Variants in FAM168B observed in about 807,000 individuals in gnomAD.
FAM168B encodes the protein family with sequence similarity 168 member B, also known as myelin-associated neurite-outgrowth inhibitor.
In FAM168B, 19 loss-of-function variants were observed where a neutral mutation model predicts 21.8. The ratio of observed to expected loss-of-function variants is 0.87; its 90% CI spans 0.61 to 1.28. The LOEUF is 1.28. Among genes scored for constraint, FAM168B ranks in the 50% most tolerant of loss-of-function variants. FAM168B has a pLI of 0.00. For synonymous variants in FAM168B, 126 were observed against 104.8 expected (o/e 1.20, Z -1.24); for missense variants, 233 against 263.1 (o/e 0.89, Z 0.79).
chr2:131,056,729 CCTA>C (rs1015804607), intron 3 of FAM168B, among the ~76,000 whole-genome samples: 33 of 152,170 alleles, frequency 2.2e-4, no homozygotes, highest in African/African-American at 7.5e-4. Context: ...CCATACAAAT[CCTA>C]CTGAGCAAGC....
At chr2:131,073,540 G>A (rs1692985350) in intron 2 of FAM168B, among the ~76,000 whole-genome samples, 1 of 152,130 alleles carries the variant, frequency 6.6e-6, no homozygotes, top group Non-Finnish European at 1.5e-5. Context: ...TTATGAAAGT[G>A]GGTTCCTGAT....
chr2:131,067,798 G>A (rs1487092981), intron 3 of FAM168B, among the ~76,000 whole-genome samples: 1 of 152,066 alleles, frequency 6.6e-6, no homozygotes, highest in Admixed American at 6.6e-5. Flanking sequence ...AGCAGGAAGG[G>A]AGAAAAACTT....
intron 1 of FAM168B, among the ~76,000 whole-genome samples, chr2:131,089,914 C>A (rs372446958): frequency 8.4e-4 from 127 of 151,330 alleles, no homozygotes; most frequent in African/African-American, 2.9e-3. Context: ...CACCTGTAGT[C>A]CCAGCTACTT....
intron 2 of FAM168B, among the ~76,000 whole-genome samples, chr2:131,075,910 G>A (rs1693131956): frequency 6.6e-6 from 1 of 152,182 alleles, no homozygotes; most frequent in Non-Finnish European, 1.5e-5. Flanking sequence ...TCTCTGGTAT[G>A]GGGATCAAAG....
rs1573736615 is a variant in FAM168B, at chr2:131,050,406, A to C, written c.*2059T>G. The C allele has an allele frequency of 5.1e-6, 5 of 985,770 alleles. No individual in the cohort carries two copies. Among genetic ancestry groups the C allele is most frequent in the Non-Finnish European group, 6.0e-6 (5 of 829,932 alleles). 61.1% of individuals were successfully genotyped at this position (985,770 alleles called of 1,614,324 possible). On this transcript the variant is annotated 3_prime_UTR_variant, in exon 7 of 7. Transcript: ENST00000389915. ...ACCCCTGGAACCGTTAGAACCTACT[A>C]ATCCTGCCAACCATCCACTAAACAG... is the stretch of plus-strand genomic sequence containing the variant.
chr2:131,057,233 A>G (rs552876587), intron 3 of FAM168B, among the ~76,000 whole-genome samples: 2 of 152,346 alleles, frequency 1.3e-5, no homozygotes, highest in South Asian at 2.1e-4. Flanking sequence ...AGACTTGTAA[A>G]AAGTGTTCAA....
At chr2:131,069,329 T>G (rs911522775) in intron 3 of FAM168B, among the ~76,000 whole-genome samples, 6 of 152,230 alleles carry the variant, frequency 3.9e-5, no homozygotes, top group African/African-American at 1.4e-4. Context: ...ACATGCCACA[T>G]TGATACGTAT....
Position 131,052,247 on chromosome 2 carries a change from G to C in FAM168B, c.*218C>G, listed in dbSNP as rs1462913270. The C allele has an allele frequency of 1.0e-6, 1 of 985,740 alleles. No homozygotes were observed. Among genetic ancestry groups the C allele is most frequent in the African/African-American group, 1.7e-5 (1 of 57,240 alleles). 61.1% of individuals were successfully genotyped at this position (985,740 alleles called of 1,614,324 possible). On this transcript the variant is annotated 3_prime_UTR_variant, in exon 7 of 7. Coordinates refer to ENST00000389915, the MANE Select transcript of FAM168B (RefSeq NM_001009993.4). ...ATTACAGTTAGCTAAAAAATTGCCA[G>C]GCAGTCCACAAAACAGAATTTGCTT...
chr2:131,049,865 T>C lies in FAM168B; in HGVS notation c.*2600A>G. 2.0e-6 allele frequency: 2 copies of C among 985,802 alleles called. No individual in the cohort carries two copies. Among genetic ancestry groups the C allele is most frequent in the Non-Finnish European group, 2.4e-6 (2 of 829,948 alleles). 61.1% of individuals were successfully genotyped at this position (985,802 alleles called of 1,614,324 possible). On this transcript the variant is annotated 3_prime_UTR_variant, in exon 7 of 7. Transcript: ENST00000389915. Reference sequence around the variant, plus strand: ...TTTTGACCCAAGTTCTATTTCTTAATTGACTTTAATTTTACTAGAAGCGAA... The same window carrying C: ...TTTTGACCCAAGTTCTATTTCTTAACTGACTTTAATTTTACTAGAAGCGAA...
chr2:131,053,432 C>G (rs1200194423), intron 5 of FAM168B, among the ~76,000 whole-genome samples: 1 of 152,134 alleles, frequency 6.6e-6, no homozygotes, highest in African/African-American at 2.4e-5. Context: ...GATGAAGTAC[C>G]TGGAGTAGTC....
intron 3 of FAM168B, among the ~76,000 whole-genome samples, chr2:131,057,462 G>A (rs190884324): frequency 1.1e-3 from 175 of 152,250 alleles, no homozygotes; most frequent in African/African-American, 4.1e-3. Context: ...ATTTACCTAC[G>A]GTGACGGAAA....
At chr2:131,081,964 A>C (rs1693452244) in intron 2 of FAM168B, among the ~76,000 whole-genome samples, 1 of 152,190 alleles carries the variant, frequency 6.6e-6, no homozygotes, top group Non-Finnish European at 1.5e-5. Context: ...TATCATTATA[A>C]ATAACTACTC....
intron 1 of FAM168B, among the ~76,000 whole-genome samples, chr2:131,084,903 C>A (rs1237369642): frequency 2.0e-5 from 3 of 152,096 alleles, no homozygotes; most frequent in Non-Finnish European, 4.4e-5. Flanking sequence ...TTAGTAGAGA[C>A]AGAGTTTCAC....
chr2:131,055,487 G>C (rs368387575), intron 4 of FAM168B, 38 bp from the exon 5 acceptor site: 5 of 1,602,758 alleles, frequency 3.1e-6, no homozygotes, highest in Non-Finnish European at 4.2e-6. Flanking sequence ...CAGGGTCCCA[G>C]GGCCAAAGGA....
intron 1 of FAM168B, among the ~76,000 whole-genome samples, chr2:131,092,372 C>G (rs1694078420): frequency 6.6e-6 from 1 of 152,180 alleles, no homozygotes; most frequent in Non-Finnish European, 1.5e-5. Context: ...CCTTCATCTA[C>G]AAGAGCTTAA....
At chr2:131,069,682 A>AG (rs1325371319) in intron 3 of FAM168B, among the ~76,000 whole-genome samples, 1 of 151,710 alleles carries the variant, frequency 6.6e-6, no homozygotes, top group Non-Finnish European at 1.5e-5. Flanking sequence ...TTTAGTAGAG[A>AG]GGGGGTTTCA....
chr2:131,076,868 A>C (rs1439276707), intron 2 of FAM168B, among the ~76,000 whole-genome samples: 1 of 151,652 alleles, frequency 6.6e-6, no homozygotes, highest in African/African-American at 2.4e-5. Context: ...ACAGATACAC[A>C]GAATTGCAAA....
chr2:131,092,133 G>GTCTGGGAA (rs1694065207), intron 1 of FAM168B, among the ~76,000 whole-genome samples: 1 of 148,498 alleles, frequency 6.7e-6, no homozygotes. Flanking sequence ...AACAGAGGGA[G>GTCTGGGAA]ACTCCGTCTC....
intron 3 of FAM168B, among the ~76,000 whole-genome samples, chr2:131,067,266 A>G (rs778320609): frequency 2.0e-5 from 3 of 152,210 alleles, no homozygotes; most frequent in Non-Finnish European, 4.4e-5. Context: ...TCTGAAAAAC[A>G]GAATTCTTCA....
Sources: allele counts gnomAD v4.1 joint callset (sites outside exome capture counted in the v4.1 genomes callset), GRCh38; gene constraint gnomAD v4.1.1; transcripts MANE v1.5; gene names NCBI Gene and HGNC (gene_info 2026-07-23, HGNC 2026-07-21).